The following XYLT1 variants were observed in gnomAD, a reference collection of about 807,000 sequenced individuals.
XYLT1 encodes the protein beta-D-xylosyltransferase 1.
A neutral mutation model predicts 91.3 loss-of-function variants in XYLT1; 36 were observed. The observed-to-expected ratio is 0.39, with a 90% CI of 0.30 to 0.52. XYLT1 has a LOEUF of 0.52. Among genes scored for constraint, XYLT1 ranks in the 20% least tolerant of loss-of-function variants. XYLT1 has a pLI of 0.68. For synonymous variants in XYLT1, 588 were observed against 532.0 expected (o/e 1.11, Z -1.45); for missense variants, 1,242 against 1,284.5 (o/e 0.97, Z 0.51).
intron 6 of XYLT1, among the ~76,000 whole-genome samples, chr16:17,157,733 GT>G (rs1209433542): frequency 1.3e-5 from 2 of 152,090 alleles, no homozygotes; most frequent in Non-Finnish European, 2.9e-5. Context: ...CTGGACTGGT[GT>G]TTAATGGTGT....
At position 17,108,584 on chromosome 16, in the gene XYLT1, C is replaced by T; in HGVS notation, c.*111G>A. ...TCCATCATTCTATGGCCAGGAGAGA[C>T]CCATTCACAGAGGGCCTCCCCCAGG... On this transcript the variant is annotated 3_prime_UTR_variant, in exon 12 of 12. Transcript: ENST00000261381. 9.4e-7 allele frequency: 1 copy of T among 1,060,706 alleles called. No homozygotes were observed. Among genetic ancestry groups the T allele is most frequent in the Non-Finnish European group, 1.3e-6 (1 of 760,300 alleles). The allele number at this position is 1,060,706 out of a possible 1,614,324, so 65.7% of individuals were successfully genotyped here.
rs537996792 is a variant in XYLT1, at chr16:17,437,867, CAA to C, written c.363+32565_363+32566del. 1.9e-4 allele frequency among the ~76,000 whole-genome samples: 29 copies of C among 152,280 alleles called. No individual in the cohort carries two copies. In the South Asian group the frequency reaches 5.4e-3, roughly 28 times the overall value. On this transcript the variant is annotated intron_variant, in intron 1 of 11. Transcript: ENST00000261381. ...AAATCATACTGAGCAGTATTTGCAG[CAA>C]AGAGGCTGAATACTGGTTGCCGCAC...
At chr16:17,277,060 T>A (rs2033988157) in intron 2 of XYLT1, among the ~76,000 whole-genome samples, 3 of 152,238 alleles carry the variant, frequency 2.0e-5, no homozygotes. Flanking sequence ...GCTGGGGACA[T>A]GTCTGTGAAT....
intron 2 of XYLT1, among the ~76,000 whole-genome samples, chr16:17,302,347 G>A (rs996333298): frequency 1.3e-5 from 2 of 152,272 alleles, no homozygotes; most frequent in Admixed American, 6.5e-5. Flanking sequence ...AGGGGACACC[G>A]TCGTAGCAGA....
At chr16:17,213,444 G>A (rs2032798860) in intron 3 of XYLT1, among the ~76,000 whole-genome samples, 2 of 152,106 alleles carry the variant, frequency 1.3e-5, no homozygotes, top group African/African-American at 4.8e-5. Context: ...GCAGACCTTT[G>A]AGGGAGGCAT....
chr16:17,470,369 G>C (rs1378040625), intron 1 of XYLT1, 65 bp downstream of exon 1: 1 of 1,209,790 alleles, frequency 8.3e-7, no homozygotes, highest in Non-Finnish European at 1.0e-6. Context: ...GGGCTAGGGG[G>C]GCGTGGGGTC....
intron 11 of XYLT1, among the ~76,000 whole-genome samples, chr16:17,116,945 A>AT (rs1394673897): frequency 6.6e-6 from 1 of 150,918 alleles, no homozygotes; most frequent in African/African-American, 2.4e-5. Flanking sequence ...TCTCTCCTCC[A>AT]TTTTTTTCCT....
At chr16:17,420,185 A>C (rs2036234240) in intron 1 of XYLT1, among the ~76,000 whole-genome samples, 1 of 152,238 alleles carries the variant, frequency 6.6e-6, no homozygotes, top group Non-Finnish European at 1.5e-5. Context: ...ACAAGTGCCC[A>C]AATTATAGCT....
At position 17,209,443 on chromosome 16, in the gene XYLT1, A is replaced by G. The variant is rs1339070766; in HGVS notation, c.914-8789T>C. On this transcript the variant is annotated intron_variant, in intron 3 of 11. Coordinates refer to ENST00000261381, the MANE Select transcript of XYLT1 (RefSeq NM_022166.4). ...GGCTTTCACCTTTTGGCTGTTATGA[A>G]TAATGTTGCTCTGAACATGGGTGTA... Among the ~76,000 whole-genome samples the G allele has an allele frequency of 2.0e-5, 3 of 147,946 alleles. No homozygotes were observed. In the East Asian group the frequency reaches 6.5e-4, roughly 32 times the overall value.
intron 1 of XYLT1, among the ~76,000 whole-genome samples, chr16:17,412,313 G>A (rs932326519): frequency 6.6e-6 from 1 of 151,510 alleles, no homozygotes; most frequent in African/African-American, 2.4e-5. Context: ...GAGGTATACA[G>A]GGCAGAACCT....
At chr16:17,164,839 T>C (rs752236555) in intron 5 of XYLT1, among the ~76,000 whole-genome samples, 2 of 152,210 alleles carry the variant, frequency 1.3e-5, no homozygotes, top group Admixed American at 6.5e-5. Context: ...GAGGCACATA[T>C]GGAAGAGGTC....
At chr16:17,395,024 A>G (rs2035866179) in intron 1 of XYLT1, among the ~76,000 whole-genome samples, 1 of 152,174 alleles carries the variant, frequency 6.6e-6, no homozygotes, top group Non-Finnish European at 1.5e-5. Flanking sequence ...TTTATAAAGA[A>G]AAGAGGTTTA....
At chr16:17,433,292 T>C (rs1197957286) in intron 1 of XYLT1, among the ~76,000 whole-genome samples, 1 of 152,180 alleles carries the variant, frequency 6.6e-6, no homozygotes, top group Non-Finnish European at 1.5e-5. Flanking sequence ...AAAACTCCCA[T>C]GTGCTTGGAA....
intron 1 of XYLT1, among the ~76,000 whole-genome samples, chr16:17,460,560 G>T (rs1738219907): frequency 6.6e-6 from 1 of 152,094 alleles, no homozygotes; most frequent in South Asian, 2.1e-4. Flanking sequence ...GAACACGGAG[G>T]TCTTCCAAAT....
intron 2 of XYLT1, among the ~76,000 whole-genome samples, chr16:17,298,016 T>C (rs2034338807): frequency 1.4e-5 from 2 of 147,678 alleles, no homozygotes; most frequent in Admixed American, 1.4e-4. Flanking sequence ...CGAGACTCCG[T>C]CTCAAAAAAA....
At chr16:17,313,265 A>G (rs2034577465) in intron 2 of XYLT1, among the ~76,000 whole-genome samples, 1 of 152,196 alleles carries the variant, frequency 6.6e-6, no homozygotes, top group Admixed American at 6.5e-5. Flanking sequence ...AGGAAGCAGG[A>G]AGCTGGGCTG....
intron 5 of XYLT1, among the ~76,000 whole-genome samples, chr16:17,189,290 C>A (rs2141577475): frequency 6.6e-6 from 1 of 152,310 alleles, no homozygotes. Context: ...ACTGAAGTTT[C>A]TTTCCCGTTC....
chr16:17,130,516 AGG>A (rs2030428661), intron 9 of XYLT1, among the ~76,000 whole-genome samples: 2 of 152,118 alleles, frequency 1.3e-5, no homozygotes, highest in African/African-American at 4.8e-5. Flanking sequence ...TCTGTCACCC[AGG>A]CTAGAGTGCA....
At chr16:17,228,566 T>C (rs1460934309) in intron 3 of XYLT1, among the ~76,000 whole-genome samples, 2 of 152,154 alleles carry the variant, frequency 1.3e-5, no homozygotes, top group Admixed American at 1.3e-4. Context: ...AGAAGCTCCA[T>C]GTCCTCATCA....
Sources: allele counts gnomAD v4.1 joint callset (sites outside exome capture counted in the v4.1 genomes callset), GRCh38; gene constraint gnomAD v4.1.1; transcripts MANE v1.5; gene names NCBI Gene and HGNC (gene_info 2026-07-23, HGNC 2026-07-21).